Variants in PCDHGB2 observed in about 807,000 individuals in gnomAD.
PCDHGB2 encodes the protein protocadherin gamma subfamily B, 2.
PCDHGB2 carries 55 observed loss-of-function variants against 59.3 expected under a neutral mutation model. That is an observed-to-expected ratio of 0.93 (90% CI 0.75 to 1.16). PCDHGB2 has a LOEUF of 1.16. PCDHGB2 is among the 50% of genes most tolerant of loss of function. The pLI is 0.00. For synonymous variants in PCDHGB2, 516 were observed against 512.0 expected (o/e 1.01, Z -0.11); for missense variants, 1,228 against 1,198.5 (o/e 1.02, Z -0.36).
Position 141,485,932 on chromosome 5 carries a change from G to A in PCDHGB2, c.2422-8875G>A. ...CCAGCTACAGGATTAGTGTGTTGGA[G>A]AGCGCACCAGCGGGCATGGTGCTCA... On this transcript the variant is annotated intron_variant, in intron 1 of 3. Transcript: ENST00000522605. The surrounding 1 kb of genome is among the most constrained non-coding windows in gnomAD (Gnocchi z 5.7). The A allele has an allele frequency of 6.2e-7, 1 of 1,614,184 alleles. No homozygotes were observed. The highest frequency in any genetic ancestry group is 8.5e-7 in the Non-Finnish European group (1 of 1,180,042).
In PCDHGB2 at chr5:141,388,444, A is replaced by G. The variant is rs1034138913; in HGVS notation, c.2421+25888A>G. 28 of 1,613,890 alleles carry G rather than the reference A, an allele frequency of 1.7e-5. No individual in the cohort carries two copies. Among genetic ancestry groups the G allele is most frequent in the Non-Finnish European group, 2.4e-5 (28 of 1,179,886 alleles). Reference sequence around the variant, plus strand: ...TCACTGATAAATAAAGAGAAATCAGATGGCAGTAAATACCCTGAGATGGTA... The same window carrying G: ...TCACTGATAAATAAAGAGAAATCAGGTGGCAGTAAATACCCTGAGATGGTA... On this transcript the variant is annotated intron_variant, in intron 1 of 3. Transcript: ENST00000522605.
At chr5:141,421,300 C>A (rs377161386) in intron 1 of PCDHGB2, 2 of 1,613,320 alleles carry the variant, frequency 1.2e-6, no homozygotes, top group African/African-American at 1.3e-5. Context: ...GGGGACGCTG[C>A]GGGGGTTCCG....
rs565813908 is a variant in PCDHGB2 at position 141,503,968 on chromosome 5, G to A, written c.2481-1425G>A. Among the ~76,000 whole-genome samples, 14 of 152,182 alleles carry A rather than the reference G, an allele frequency of 9.2e-5. No homozygotes were observed. The South Asian group carries it at 2.7e-3, about 29-fold the overall frequency. ...GGCCTACCCTACAGCCTTTCCCATG[G>A]TGCCAAACCCTTCTTCTTACCTTAC... On this transcript the variant is annotated intron_variant, in intron 2 of 3. Transcript: ENST00000522605.
rs775898365 is a variant in PCDHGB2 at position 141,476,425 on chromosome 5, T to C, written c.2422-18382T>C. On this transcript the variant is annotated intron_variant, in intron 1 of 3. Transcript: ENST00000522605. This position sits in a 1 kb window ranked among gnomAD's most constrained non-coding sequence, Gnocchi z 7.6. ...AGGAGCTGTGTGGGACACTGCCCTC[T>C]TGCACTGTAACTCTGGAGTTGGTAG... is the stretch of plus-strand genomic sequence containing the variant. The C allele has an allele frequency of 1.2e-6, 2 of 1,614,108 alleles. No homozygotes were observed. Among genetic ancestry groups the C allele is most frequent in the East Asian group, 4.5e-5 (2 of 44,848 alleles).
chr5:141,370,709 A>G lies in PCDHGB2; in HGVS notation c.2421+8153A>G, dbSNP rs759693672. On this transcript the variant is annotated intron_variant, in intron 1 of 3. Coordinates refer to ENST00000522605, the MANE Select transcript of PCDHGB2 (RefSeq NM_018923.3). ...GCAAGAAGTCGACGTGTGTTCTGGA[A>G]TTTGAAATGGTTGCTGAAAAGCCTT... 3 of 1,613,738 alleles carry G rather than the reference A, an allele frequency of 1.9e-6. No individual in the cohort carries two copies. The African/African-American group carries it at 4.0e-5, about 22-fold the overall frequency.
chr5:141,374,202 A>G, intron 1 of PCDHGB2: 1 of 1,613,868 alleles, frequency 6.2e-7, no homozygotes, highest in Non-Finnish European at 8.5e-7. Context: ...GAGGAGCTGG[A>G]GAAAGGCTCC....
chr5:141,383,655 C>T, intron 1 of PCDHGB2: 1 of 1,613,986 alleles, frequency 6.2e-7, no homozygotes, highest in East Asian at 2.2e-5. Context: ...TAACTGTCCC[C>T]GAGAATGTGC....
chr5:141,430,756 A>G (rs747363475), intron 1 of PCDHGB2: 1 of 1,503,228 alleles, frequency 6.7e-7, no homozygotes, highest in Non-Finnish European at 8.9e-7. Flanking sequence ...GGAGGAAGAT[A>G]AGAATGATTC....
chr5:141,486,688 C>G lies in PCDHGB2; in HGVS notation c.2422-8119C>G, dbSNP rs748605515. On this transcript the variant is annotated intron_variant, in intron 1 of 3. Coordinates refer to ENST00000522605, the MANE Select transcript of PCDHGB2 (RefSeq NM_018923.3). This position sits in a 1 kb window ranked among gnomAD's most constrained non-coding sequence, Gnocchi z 5.0. ...CCAGGAATCGAGATGTATCAGCTTCCTCTTTCATCTCTCTGAACCCCCAGA... is the reference window on the plus strand; with the variant it reads ...CCAGGAATCGAGATGTATCAGCTTCGTCTTTCATCTCTCTGAACCCCCAGA... The G allele has an allele frequency of 1.2e-6, 2 of 1,614,170 alleles. No homozygotes were observed. The highest frequency in any genetic ancestry group is 8.5e-7 in the Non-Finnish European group (1 of 1,180,044).
At position 141,424,003 on chromosome 5, in the gene PCDHGB2, T is replaced by C. The variant is rs150506228; in HGVS notation, c.2421+61447T>C. 5.3e-3 allele frequency: 5,614 copies of C among 1,067,752 alleles called. 27 individuals carry two copies. The highest frequency in any genetic ancestry group is 0.01 in the Admixed American group (195 of 19,092). 66.1% of individuals were successfully genotyped at this position (1,067,752 alleles called of 1,614,324 possible). A position where few individuals can be genotyped will look rare whatever the true frequency, so the allele number is the denominator to read the frequency against. ...AGGCTCTCAATTTATTATATATAGA[T>C]ACAAATTAATGATTCACAAACACTT... On this transcript the variant is annotated intron_variant, in intron 1 of 3. Transcript: ENST00000522605.
intron 1 of PCDHGB2, chr5:141,370,419 G>C (rs1219315187): frequency 3.8e-6 from 6 of 1,572,938 alleles, no homozygotes; most frequent in African/African-American, 1.4e-5. Context: ...CGGATGGAGG[G>C]GCCCAGCAGG....
chr5:141,435,542 A>C (rs1402711516), intron 1 of PCDHGB2, among the ~76,000 whole-genome samples: 1 of 152,146 alleles, frequency 6.6e-6, no homozygotes, highest in Non-Finnish European at 1.5e-5. Flanking sequence ...GAATTAACAA[A>C]ATGTGTTTTG....
rs1562059777 is a variant in PCDHGB2, at chr5:141,477,098, G to C, written c.2422-17709G>C. 6.2e-7 allele frequency: 1 copy of C among 1,614,242 alleles called. No individual in the cohort carries two copies. Among genetic ancestry groups the C allele is most frequent in the Non-Finnish European group, 8.5e-7 (1 of 1,180,046 alleles). ...GATTTACATCCAGGCCAAAGACAAG[G>C]GCGCCAATCCCGAAGGAGCACATTG... On this transcript the variant is annotated intron_variant, in intron 1 of 3. Transcript: ENST00000522605. This position sits in a 1 kb window ranked among gnomAD's most constrained non-coding sequence, Gnocchi z 4.9.
intron 1 of PCDHGB2, chr5:141,420,166 A>G: frequency 1.2e-6 from 2 of 1,614,036 alleles, no homozygotes; most frequent in Non-Finnish European, 1.7e-6. Flanking sequence ...ATTTTTTCAC[A>G]TCTGTTGATC....
At chr5:141,363,397 A>C (rs571483394) in intron 1 of PCDHGB2, among the ~76,000 whole-genome samples, 8 of 152,204 alleles carry the variant, frequency 5.3e-5, no homozygotes, top group Non-Finnish European at 1.2e-4. Flanking sequence ...GTTGTCATAT[A>C]AAGATGATAG....
At chr5:141,460,047 C>T (rs2098981053) in intron 1 of PCDHGB2, among the ~76,000 whole-genome samples, 1 of 152,102 alleles carries the variant, frequency 6.6e-6, no homozygotes. Context: ...CACTGCACTC[C>T]AGCCTGGGCA....
intron 1 of PCDHGB2, among the ~76,000 whole-genome samples, chr5:141,460,992 T>C (rs2099006034): frequency 6.6e-6 from 1 of 151,316 alleles, no homozygotes; most frequent in South Asian, 2.1e-4. Context: ...TGTATATATA[T>C]ATATGTGTAT....
chr5:141,476,366 G>T lies in PCDHGB2; in HGVS notation c.2422-18441G>T, dbSNP rs1025903110. The T allele has an allele frequency of 6.2e-7, 1 of 1,614,026 alleles. No individual in the cohort carries two copies. The highest frequency in any genetic ancestry group is 8.5e-7 in the Non-Finnish European group (1 of 1,180,028). On this transcript the variant is annotated intron_variant, in intron 1 of 3. Coordinates refer to ENST00000522605, the MANE Select transcript of PCDHGB2 (RefSeq NM_018923.3). The surrounding 1 kb of genome is among the most constrained non-coding windows in gnomAD (Gnocchi z 7.6). The stretch of plus-strand genomic sequence containing the variant: ...ATTCTTTGAGGTGAACCGGGAGACC[G>T]GAGAGATGTTTGTGAACGACCGTCT...
At chr5:141,398,014 C>T in intron 1 of PCDHGB2, 1 of 1,420,276 alleles carries the variant, frequency 7.0e-7, no homozygotes, top group South Asian at 1.5e-5. Context: ...AGAATCGTTT[C>T]CTAAACTGGA....
Sources: gnomAD v4.1 joint callset for allele counts (sites outside exome capture counted in the v4.1 genomes callset) on GRCh38, gnomAD v4.1.1 for gene constraint, Gnocchi (gnomAD v3.1) non-coding constraint, MANE v1.5 for transcripts, NCBI Gene and HGNC (gene_info 2026-07-23, HGNC 2026-07-21) for gene names.